KMT2C: variants seen among roughly 807,000 people sequenced by gnomAD.
The protein encoded by KMT2C is lysine methyltransferase 2C.
A neutral mutation model predicts 507.9 loss-of-function variants in KMT2C; 88 were observed. The ratio of observed to expected loss-of-function variants is 0.17; its 90% CI spans 0.15 to 0.21. The LOEUF (loss-of-function observed/expected upper bound fraction) is 0.21. Among genes scored for constraint, KMT2C ranks in the 10% least tolerant of loss-of-function variants. The pLI is 1.00. For missense variants in KMT2C, 4,954 were observed against 5,957.8 expected, an observed-to-expected ratio of 0.83 and a Z score of 5.55; for synonymous variants, 2,049 against 2,080.8, an observed-to-expected ratio of 0.98 and a Z score of 0.42.
At chr7:152,367,147 G>GT (rs2097253974) in intron 1 of KMT2C, 1 of 1,297,102 alleles carries the variant, frequency 7.7e-7, no homozygotes, top group Non-Finnish European at 1.1e-6. Context: ...TAGCACTGGA[G>GT]AAACGAGGAA....
At position 152,163,276 on chromosome 7, in the gene KMT2C, T is replaced by C. The variant is rs771330264; in HGVS notation, c.10301A>G (p.His3434Arg). 1.4e-5 allele frequency: 23 copies of C among 1,614,078 alleles called. No individual in the cohort carries two copies. In the South Asian group the frequency reaches 2.5e-4, roughly 18 times the overall value. Residue 3434 changes from histidine (H) to arginine (R), a missense_variant, in exon 43 of 59, where the codon CAT (histidine) becomes CGT (arginine). Physicochemically the swap from His to Arg is conservative, Grantham distance 29. Around this residue, in one of 29 missense-constraint regions of KMT2C, gnomAD observed 801 missense variants for 751.2 expected, o/e 1.07. Transcript: ENST00000262189. ...ACTTATCTCAGAGCCCACCATACCA[T>C]GCTGCTCCATTTCCATCCTCTGCTG... ...ALQQRMEMEQ[H>R]GMVGSEISSS...
chr7:152,177,618 G>T lies in KMT2C; in HGVS notation c.7835C>A (p.Pro2612His), dbSNP rs755530151. ...PRHTDPMRRP[P>H]QGLPNQLPVH... is the part of the protein sequence containing the mutation. ...AGGTAGCTGATTAGGTAGACCCTGG[G>T]GAGGTCGTCGCATGGGGTCTGTGTG... Residue 2612 changes from proline (P) to histidine (H), a missense_variant, in exon 38 of 59, where the codon CCC becomes CAC. Around this residue, in one of 29 missense-constraint regions of KMT2C, gnomAD observed 1,689 missense variants for 1,654.3 expected, o/e 1.02. Transcript: ENST00000262189. The T allele has an allele frequency of 1.9e-6, 3 of 1,614,132 alleles. No individual in the cohort carries two copies. The highest frequency in any genetic ancestry group is 2.5e-6 in the Non-Finnish European group (3 of 1,180,028).
At chr7:152,398,290 C>G (rs561444468) in intron 1 of KMT2C, among the ~76,000 whole-genome samples, 1 of 152,190 alleles carries the variant, frequency 6.6e-6, no homozygotes, top group East Asian at 1.9e-4. Context: ...AAATTAAGCA[C>G]GTGATTCATA....
At chr7:152,170,270 GAATAT>G (rs139457886) in intron 40 of KMT2C, among the ~76,000 whole-genome samples, 1,736 of 152,106 alleles carry the variant, frequency 0.011, 36 homozygotes, top group African/African-American at 0.04. Flanking sequence ...ATAATGAGAA[GAATAT>G]AATTATCAGC....
intron 11 of KMT2C, among the ~76,000 whole-genome samples, chr7:152,251,571 T>G (rs2095562799): frequency 6.6e-6 from 1 of 152,118 alleles, no homozygotes; most frequent in Non-Finnish European, 1.5e-5. Context: ...AGGTGATAAT[T>G]AACTTAAGAA....
At chr7:152,369,372 T>C (rs1007120842) in intron 1 of KMT2C, among the ~76,000 whole-genome samples, 6 of 151,364 alleles carry the variant, frequency 4.0e-5, no homozygotes, top group Admixed American at 1.3e-4. Flanking sequence ...TTATATTTTG[T>C]GTATATTCTA....
intron 18 of KMT2C, among the ~76,000 whole-genome samples, chr7:152,229,155 G>C (rs1383575647): frequency 6.6e-6 from 1 of 152,160 alleles, no homozygotes; most frequent in Non-Finnish European, 1.5e-5. Flanking sequence ...ACTGAGGTTA[G>C]TATTTATATT....
At chr7:152,262,332 G>A (rs1303137928) in intron 9 of KMT2C, among the ~76,000 whole-genome samples, 1 of 152,144 alleles carries the variant, frequency 6.6e-6, no homozygotes, top group Non-Finnish European at 1.5e-5. Flanking sequence ...AGCACCTGAG[G>A]GTCATCTCCA....
At chr7:152,225,123 T>C (rs2094888907) in intron 18 of KMT2C, among the ~76,000 whole-genome samples, 1 of 152,208 alleles carries the variant, frequency 6.6e-6, no homozygotes, top group African/African-American at 2.4e-5. Flanking sequence ...CATTCACTCC[T>C]CTGTTTATTC....
At chr7:152,179,684 T>G (rs2093364772) in intron 37 of KMT2C, 150 bp downstream of exon 37, 1 of 410,046 alleles carries the variant, frequency 2.4e-6, no homozygotes, top group Non-Finnish European at 4.4e-6. Context: ...GTGGTCTCAC[T>G]ATATTGCCCA....
chr7:152,276,710 G>T (rs969985277), intron 6 of KMT2C, among the ~76,000 whole-genome samples: 1 of 151,422 alleles, frequency 6.6e-6, no homozygotes, highest in African/African-American at 2.4e-5. Context: ...CTGTGATCAC[G>T]CTACTGCACT....
At chr7:152,413,653 G>A (rs935150124) in intron 1 of KMT2C, among the ~76,000 whole-genome samples, 1 of 151,032 alleles carries the variant, frequency 6.6e-6, no homozygotes, top group South Asian at 2.1e-4. Flanking sequence ...GGGAGGCCGA[G>A]GCAGGTGGAT....
chr7:152,352,044 C>A (rs1378023243), intron 2 of KMT2C, among the ~76,000 whole-genome samples: 1 of 152,202 alleles, frequency 6.6e-6, no homozygotes, highest in Non-Finnish European at 1.5e-5. Context: ...CATTTCTCTT[C>A]TTTCAAAAGC....
At chr7:152,152,586 AGGACTATAC>A in intron 49 of KMT2C, 110 bp downstream of exon 49, 2 of 1,236,116 alleles carry the variant, frequency 1.6e-6, no homozygotes, top group Non-Finnish European at 2.3e-6. Flanking sequence ...AAGTTCACCA[AGGACTATAC>A]GCCAGCATGT....
At chr7:152,380,008 G>A (rs1253339914) in intron 1 of KMT2C, among the ~76,000 whole-genome samples, 1 of 152,326 alleles carries the variant, frequency 6.6e-6, no homozygotes, top group Admixed American at 6.5e-5. Context: ...CGAGGCAGGC[G>A]GATTGCCTGA....
chr7:152,430,321 A>G (rs2097854085), intron 1 of KMT2C, among the ~76,000 whole-genome samples: 1 of 152,190 alleles, frequency 6.6e-6, no homozygotes, highest in Admixed American at 6.6e-5. Flanking sequence ...GAAGAGATTA[A>G]TCAGCTTTCT....
chr7:152,326,459 ACT>A (rs1433583635), intron 3 of KMT2C, among the ~76,000 whole-genome samples: 1 of 151,890 alleles, frequency 6.6e-6, no homozygotes, highest in East Asian at 1.9e-4. Context: ...ATACCATTTA[ACT>A]CTGTTCCTAA....
rs192299564 is a variant in KMT2C at position 152,309,972 on chromosome 7, G to A, written c.843C>T (p.Ser281=). 1.9e-6 allele frequency: 3 copies of A among 1,594,124 alleles called. No individual in the cohort carries two copies. The highest frequency in any genetic ancestry group is 3.3e-5 in the Admixed American group (2 of 59,794). Residue 281 remains serine, a synonymous_variant, in exon 6 of 59, where the codon AGC becomes AGT. Coordinates refer to ENST00000262189, the MANE Select transcript of KMT2C (RefSeq NM_170606.3). ...VNVDKAVVSG[S]TERCAFCKHL... The stretch of plus-strand genomic sequence containing the variant: ...ATTTGCTTTGTCTACTTACTTCTGT[G>A]CTCCCTGAGACAACAGCTTTGTCCA...
At position 152,148,651 on chromosome 7, in the gene KMT2C, G is replaced by A; in HGVS notation, c.13276C>T (p.Leu4426=). 6.2e-7 allele frequency: 1 copy of A among 1,614,202 alleles called. No homozygotes were observed. The highest frequency in any genetic ancestry group is 8.5e-7 in the Non-Finnish European group (1 of 1,180,040). ...PARLLNLDLD[L]WVHLNCALWS... ...AGAGCGCAGTTCAAGTGGACCCACAGATCCAAGTCAAGGTTGAGTAGCCTT... is the reference window on the plus strand; with the variant it reads ...AGAGCGCAGTTCAAGTGGACCCACAAATCCAAGTCAAGGTTGAGTAGCCTT... Residue 4426 remains leucine, a synonymous_variant, in exon 52 of 59, where the codon CTG becomes TTG. Coordinates refer to ENST00000262189, the MANE Select transcript of KMT2C (RefSeq NM_170606.3). The surrounding 1 kb of genome is among the most constrained non-coding windows in gnomAD (Gnocchi z 7.1).
Sources: allele counts gnomAD v4.1 joint callset (sites outside exome capture counted in the v4.1 genomes callset), GRCh38; gene constraint gnomAD v4.1.1; regional missense constraint gnomAD v4.1.1; non-coding constraint Gnocchi (gnomAD v3.1); transcripts MANE v1.5; gene names NCBI Gene and HGNC (gene_info 2026-07-23, HGNC 2026-07-21).